PPA2: variants seen among roughly 807,000 people sequenced by gnomAD.
PPA2 encodes the protein inorganic pyrophosphatase 2, also known as inorganic pyrophosphatase 2, mitochondrial.
A neutral mutation model predicts 49.5 loss-of-function variants in PPA2; 48 were observed. That is an observed-to-expected ratio of 0.97 (90% CI 0.77 to 1.23). PPA2 has a LOEUF of 1.23. Ranked by LOEUF, PPA2 falls within the 50% of genes most tolerant of loss-of-function variation. The pLI is 0.00. For missense variants in PPA2, 429 were observed against 410.1 expected (o/e 1.05, Z -0.40); for synonymous variants, 131 against 139.9 (o/e 0.94, Z 0.45).
At chr4:105,453,723 A>T in intron 2 of PPA2, 81 bp from the exon 3 acceptor site, 1 of 1,095,476 alleles carries the variant, frequency 9.1e-7, no homozygotes, top group African/African-American at 1.6e-5. Flanking sequence ...AAATATGACT[A>T]TTGTATAGAC....
At chr4:105,423,961 T>G (rs1723370677) in intron 7 of PPA2, among the ~76,000 whole-genome samples, 1 of 150,724 alleles carries the variant, frequency 6.6e-6, no homozygotes, top group African/African-American at 2.4e-5. Context: ...AAGGAAGGAG[T>G]GAAAGGAAGA....
chr4:105,470,850 T>C (rs1723494794), intron 1 of PPA2, among the ~76,000 whole-genome samples: 2 of 152,172 alleles, frequency 1.3e-5, no homozygotes, highest in South Asian at 4.1e-4. Context: ...TTCAGTCGAG[T>C]GACTTGTCCA....
intron 7 of PPA2, among the ~76,000 whole-genome samples, chr4:105,400,374 G>C (rs1012748918): frequency 1.2e-4 from 18 of 152,094 alleles, no homozygotes; most frequent in African/African-American, 4.3e-4. Context: ...GGCCAGGTGT[G>C]GTGGCTCATG....
chr4:105,453,567 G>A, intron 3 of PPA2, 31 bp downstream of exon 3: 1 of 1,515,864 alleles, frequency 6.6e-7, no homozygotes, highest in Non-Finnish European at 9.0e-7. Flanking sequence ...ATATAAAAGT[G>A]ATTCACAAAA....
intron 1 of PPA2, among the ~76,000 whole-genome samples, chr4:105,469,101 T>C (rs553195053): frequency 6.6e-6 from 1 of 152,354 alleles, no homozygotes; most frequent in South Asian, 2.1e-4. Context: ...GTTTTAGGGT[T>C]ACCCTTTCTT....
chr4:105,370,501 A>G, intron 11 of PPA2: 1 of 666,038 alleles, frequency 1.5e-6, no homozygotes, highest in Non-Finnish European at 1.9e-6. Context: ...TTAAAAAAAG[A>G]TAAATATCTA....
At chr4:105,386,993 T>C (rs1455874655) in intron 9 of PPA2, among the ~76,000 whole-genome samples, 1 of 152,160 alleles carries the variant, frequency 6.6e-6, no homozygotes, top group East Asian at 1.9e-4. Context: ...GGACCTAGGA[T>C]AAATTTTCCT....
intron 7 of PPA2, among the ~76,000 whole-genome samples, chr4:105,417,783 C>T (rs1723079744): frequency 6.6e-6 from 1 of 152,052 alleles, no homozygotes; most frequent in Admixed American, 6.6e-5. Context: ...CCACTGATGC[C>T]TAAATTACTT....
At chr4:105,465,584 T>C (rs1723269660) in intron 1 of PPA2, among the ~76,000 whole-genome samples, 1 of 152,166 alleles carries the variant, frequency 6.6e-6, no homozygotes, top group African/African-American at 2.4e-5. Context: ...GTGAGGCCAA[T>C]TTCTCAAGTT....
chr4:105,473,428 G>C (rs749131578), intron 1 of PPA2: 11 of 376,492 alleles, frequency 2.9e-5, no homozygotes, highest in Non-Finnish European at 5.2e-6. Context: ...AGTTCCGCCT[G>C]CCTCTCCGAC....
intron 7 of PPA2, among the ~76,000 whole-genome samples, chr4:105,419,651 T>C (rs574870352): frequency 5.9e-5 from 9 of 152,364 alleles, no homozygotes; most frequent in Admixed American, 4.6e-4. Flanking sequence ...TCAGTCATCA[T>C]AGGTAAAAAC....
At chr4:105,419,736 CATTTT>C (rs1480605859) in intron 7 of PPA2, among the ~76,000 whole-genome samples, 1 of 151,364 alleles carries the variant, frequency 6.6e-6, no homozygotes, top group Non-Finnish European at 1.5e-5. Flanking sequence ...AAAGTTATTT[CATTTT>C]ATTTATATCA....
intron 6 of PPA2, 149 bp from the exon 7 acceptor site, chr4:105,424,471 G>T: frequency 1.4e-6 from 1 of 698,674 alleles, no homozygotes; most frequent in Non-Finnish European, 2.1e-6. Flanking sequence ...GCCAAAGTCT[G>T]CCTTGCAATG....
chr4:105,471,654 T>A (rs1220744923), intron 1 of PPA2, among the ~76,000 whole-genome samples: 1 of 152,204 alleles, frequency 6.6e-6, no homozygotes, highest in East Asian at 1.9e-4. Flanking sequence ...ATCATCTTTA[T>A]AAAGGGCAAT....
chr4:105,395,232 AG>A (rs1239415738), intron 9 of PPA2, among the ~76,000 whole-genome samples: 52 of 152,270 alleles, frequency 3.4e-4, no homozygotes, highest in African/African-American at 1.1e-3. Flanking sequence ...TTGATAACTT[AG>A]GTAAAATATT....
chr4:105,434,125 AC>A (rs1389308815), intron 6 of PPA2, among the ~76,000 whole-genome samples: 1 of 152,082 alleles, frequency 6.6e-6, no homozygotes, highest in African/African-American at 2.4e-5. Flanking sequence ...CTGCACCCAG[AC>A]TGCTCCATTC....
At chr4:105,473,690 T>C in intron 1 of PPA2, 2 of 866,804 alleles carry the variant, frequency 2.3e-6, no homozygotes, top group East Asian at 2.5e-5. Flanking sequence ...TTTGGGGTCT[T>C]GATCCGCCGC....
At chr4:105,429,001 A>C (rs1723669800) in intron 6 of PPA2, among the ~76,000 whole-genome samples, 1 of 152,160 alleles carries the variant, frequency 6.6e-6, no homozygotes, top group Non-Finnish European at 1.5e-5. Context: ...GAATTCTCAC[A>C]CAATAGGTAG....
chr4:105,412,806 T>C (rs1722824147), intron 7 of PPA2, among the ~76,000 whole-genome samples: 1 of 152,218 alleles, frequency 6.6e-6, no homozygotes, highest in Non-Finnish European at 1.5e-5. Context: ...CCAGTTAGAA[T>C]GGCAATCATT....
Sources: gnomAD v4.1 joint callset for allele counts (sites outside exome capture counted in the v4.1 genomes callset) on GRCh38, gnomAD v4.1.1 for gene constraint, MANE v1.5 for transcripts, NCBI Gene and HGNC (gene_info 2026-07-23, HGNC 2026-07-21) for gene names.